The following MAP4 variants were observed in gnomAD, a reference collection of about 807,000 sequenced individuals.
MAP4 encodes microtubule associated protein 4.
In MAP4, 76 loss-of-function variants were observed where a neutral mutation model predicts 170.2. The ratio of observed to expected loss-of-function variants is 0.45; its 90% CI spans 0.37 to 0.54. MAP4 has a LOEUF of 0.54. Among genes scored for constraint, MAP4 ranks in the 20% least tolerant of loss-of-function variants. MAP4 has a pLI of 0.00. For synonymous variants in MAP4, 909 were observed against 994.5 expected (o/e 0.91, Z 1.62); for missense variants, 2,506 against 2,748.0 (o/e 0.91, Z 1.97).
intron 1 of MAP4, among the ~76,000 whole-genome samples, chr3:48,012,743 A>G (rs766833358): frequency 2.0e-4 from 30 of 152,206 alleles, no homozygotes; most frequent in Non-Finnish European, 3.4e-4. Flanking sequence ...ATTCAGCCTA[A>G]GAGGGTAAAA....
At chr3:47,978,058 G>A (rs1381017991) in intron 2 of MAP4, 125 bp from the exon 3 acceptor site, 1 of 631,558 alleles carries the variant, frequency 1.6e-6, no homozygotes, top group African/African-American at 1.8e-5. Flanking sequence ...ATTAAAAACT[G>A]TTCAAAATTT....
intron 1 of MAP4, among the ~76,000 whole-genome samples, chr3:48,051,282 G>A (rs2100127719): frequency 1.3e-5 from 2 of 151,958 alleles, no homozygotes; most frequent in Non-Finnish European, 2.9e-5. Context: ...GTGTGGTGGT[G>A]TGCACCTGTA....
chr3:47,937,451 T>G (rs1412552203), intron 3 of MAP4, among the ~76,000 whole-genome samples: 2 of 152,148 alleles, frequency 1.3e-5, no homozygotes, highest in African/African-American at 4.8e-5. Context: ...AAAAGCAATA[T>G]GTTTTTTCAT....
intron 1 of MAP4, among the ~76,000 whole-genome samples, chr3:48,003,947 G>A (rs2100100759): frequency 6.6e-6 from 1 of 152,130 alleles, no homozygotes; most frequent in Non-Finnish European, 1.5e-5. Flanking sequence ...TTCTGCCCTC[G>A]AACATCGGAC....
At chr3:47,993,355 G>T (rs1416095687) in intron 2 of MAP4, among the ~76,000 whole-genome samples, 1 of 152,114 alleles carries the variant, frequency 6.6e-6, no homozygotes, top group Non-Finnish European at 1.5e-5. Flanking sequence ...AAAAAATAAA[G>T]GAGGAGATGA....
chr3:48,088,364 C>A (rs1315556330), intron 1 of MAP4, among the ~76,000 whole-genome samples: 2 of 152,102 alleles, frequency 1.3e-5, no homozygotes, highest in Admixed American at 1.3e-4. Flanking sequence ...CATCAACTGA[C>A]CCCCACAAAG....
At chr3:47,968,829 T>A (rs543865454) in intron 3 of MAP4, among the ~76,000 whole-genome samples, 1 of 151,520 alleles carries the variant, frequency 6.6e-6, no homozygotes, top group East Asian at 1.9e-4. Context: ...ATGAAAAAAA[T>A]TGACAAACTT....
At chr3:48,045,065 T>G (rs756163090) in intron 1 of MAP4, among the ~76,000 whole-genome samples, 4 of 151,758 alleles carry the variant, frequency 2.6e-5, no homozygotes, top group Non-Finnish European at 5.9e-5. Context: ...AAGACCAGCC[T>G]GGACAACATG....
At chr3:47,952,461 G>T (rs2100064985) in intron 3 of MAP4, among the ~76,000 whole-genome samples, 1 of 152,078 alleles carries the variant, frequency 6.6e-6, no homozygotes. Context: ...GAAAGGTGGG[G>T]AAAAGATTGA....
chr3:48,053,463 T>C (rs2100128962), intron 1 of MAP4, among the ~76,000 whole-genome samples: 2 of 152,222 alleles, frequency 1.3e-5, no homozygotes, highest in South Asian at 2.1e-4. Context: ...ACCCTTCTTA[T>C]AATATTATGG....
At chr3:48,005,754 G>A (rs1201154237) in intron 1 of MAP4, among the ~76,000 whole-genome samples, 1 of 152,204 alleles carries the variant, frequency 6.6e-6, no homozygotes, top group Non-Finnish European at 1.5e-5. Flanking sequence ...CTTGACCAAT[G>A]CCTTGTGAAA....
intron 1 of MAP4, among the ~76,000 whole-genome samples, chr3:48,043,273 G>GT (rs1296163086): frequency 1.3e-5 from 2 of 152,010 alleles, no homozygotes; most frequent in African/African-American, 4.8e-5. Flanking sequence ...GCTAATTTTT[G>GT]TATGTTTAGT....
In MAP4 at chr3:47,887,853, G is replaced by A. The variant is rs558887041; in HGVS notation, c.5435-10330C>T. ...CTCAGGGATTGTAAATACACCAATC[G>A]GCACTCTGTATCTAGCTCAAGGTTT... On this transcript the variant is annotated intron_variant, in intron 10 of 20. Coordinates refer to ENST00000683076, the MANE Select transcript of MAP4 (RefSeq NM_001385682.1). 2.4e-4 allele frequency among the ~76,000 whole-genome samples: 36 copies of A among 149,214 alleles called. 1 individual carries two copies. Among genetic ancestry groups the A allele is most frequent in the Non-Finnish European group, 4.3e-4 (29 of 67,402 alleles).
chr3:47,877,157 A>G (rs943846537), intron 11 of MAP4: 5 of 333,276 alleles, frequency 1.5e-5, no homozygotes, highest in Non-Finnish European at 2.9e-5. Context: ...GATTACAGGC[A>G]TGAGCCACCA....
intron 2 of MAP4, chr3:47,987,349 GAA>G (rs1437168410): frequency 6.7e-7 from 1 of 1,482,054 alleles, no homozygotes; most frequent in Admixed American, 2.1e-5. Context: ...TACCACAGAG[GAA>G]AGAGGAAAGT....
intron 1 of MAP4, among the ~76,000 whole-genome samples, chr3:48,011,509 C>A (rs1160774002): frequency 1.3e-5 from 2 of 151,058 alleles, no homozygotes; most frequent in African/African-American, 4.9e-5. Context: ...GCCAAGATCA[C>A]GCCACTGCAC....
intron 10 of MAP4, among the ~76,000 whole-genome samples, chr3:47,900,658 C>T (rs929641008): frequency 3.9e-5 from 6 of 152,222 alleles, no homozygotes; most frequent in Non-Finnish European, 7.3e-5. Context: ...ATCGCTTGAA[C>T]CTGGGAGGTG....
chr3:47,947,788 G>A (rs2100061087), intron 3 of MAP4, among the ~76,000 whole-genome samples: 2 of 144,716 alleles, frequency 1.4e-5, no homozygotes, highest in Admixed American at 1.4e-4. Flanking sequence ...TCCAGCCTGG[G>A]CGACAGAGAG....
intron 4 of MAP4, among the ~76,000 whole-genome samples, chr3:47,927,154 G>C (rs1195939963): frequency 8.8e-6 from 1 of 113,890 alleles, no homozygotes; most frequent in African/African-American, 4.1e-5. Context: ...GCAAGACTCT[G>C]TCTCAAAAAA....
Sources: gnomAD v4.1 joint callset for allele counts (sites outside exome capture counted in the v4.1 genomes callset) on GRCh38, gnomAD v4.1.1 for gene constraint, MANE v1.5 for transcripts, NCBI Gene and HGNC (gene_info 2026-07-23, HGNC 2026-07-21) for gene names.